The following CSMD1 variants were observed in gnomAD, a reference collection of about 807,000 sequenced individuals.
CSMD1 encodes the protein CUB and sushi domain-containing protein 1.
Under a neutral mutation model 417.5 loss-of-function variants are expected in CSMD1, and 213 were observed. The observed-to-expected ratio is 0.51, with a 90% confidence interval of 0.46 to 0.57. CSMD1 has a LOEUF of 0.57. Ranked by LOEUF, CSMD1 falls within the 20% of genes least tolerant of loss-of-function variation. The pLI, the probability that CSMD1 is intolerant of heterozygous loss-of-function variation, is 0.00. For missense variants in CSMD1, 6,923 were observed against 4,529.7 expected, an observed-to-expected ratio of 1.53 and a Z score of -15.17; for synonymous variants, 2,862 against 1,736.8, an observed-to-expected ratio of 1.65 and a Z score of -16.11.
rs545212684 is a variant in CSMD1 at position 3,520,039 on chromosome 8, T to TATGTATATAC, written c.1345-26314_1345-26313insGTATATACAT. 7.5e-5 allele frequency among the ~76,000 whole-genome samples: 11 copies of TATGTATATAC among 147,184 alleles called. No homozygotes were observed. In the East Asian group the frequency reaches 1.6e-3, roughly 21 times the overall value. The stretch of plus-strand genomic sequence containing the variant: ...ATATACCTATATATATATATATATA[T>TATGTATATAC]ACACGTATAGTTGTGAAACTTGCTC... On this transcript the variant is annotated intron_variant, in intron 10 of 69. Coordinates refer to ENST00000635120, the MANE Select transcript of CSMD1 (RefSeq NM_033225.6).
chr8:3,684,383 G>A (rs1234562104), intron 7 of CSMD1, among the ~76,000 whole-genome samples: 1 of 146,554 alleles, frequency 6.8e-6, no homozygotes, highest in South Asian at 2.1e-4. Context: ...TATATAAAAT[G>A]TATAACATAT....
At chr8:4,741,275 T>G (rs1810590660) in intron 1 of CSMD1, among the ~76,000 whole-genome samples, 1 of 152,282 alleles carries the variant, frequency 6.6e-6, no homozygotes, top group Non-Finnish European at 1.5e-5. Context: ...TTGTGAAAAT[T>G]TATTATATCA....
chr8:3,362,558 G>C (rs1251162803), intron 20 of CSMD1, among the ~76,000 whole-genome samples: 1 of 152,114 alleles, frequency 6.6e-6, no homozygotes, highest in Non-Finnish European at 1.5e-5. Flanking sequence ...CCCATGTGTT[G>C]AAATTAATTC....
intron 3 of CSMD1, among the ~76,000 whole-genome samples, chr8:4,410,518 G>T (rs760257718): frequency 3.3e-5 from 5 of 152,164 alleles, no homozygotes; most frequent in Non-Finnish European, 5.9e-5. Flanking sequence ...AAGAGAGACA[G>T]AAAGAGACTA....
chr8:4,110,548 T>G (rs187766824), intron 3 of CSMD1, among the ~76,000 whole-genome samples: 65 of 152,300 alleles, frequency 4.3e-4, no homozygotes, highest in African/African-American at 1.4e-3. Context: ...GTATTTAATT[T>G]TTAAACAATT....
At chr8:3,978,467 G>C (rs1813611251) in intron 5 of CSMD1, among the ~76,000 whole-genome samples, 1 of 151,980 alleles carries the variant, frequency 6.6e-6, no homozygotes, top group Non-Finnish European at 1.5e-5. Flanking sequence ...ATTATTGTAA[G>C]AAATCCATGA....
chr8:3,468,554 G>C (rs111228639), intron 12 of CSMD1, among the ~76,000 whole-genome samples, 158 bp downstream of exon 12: 1 of 152,112 alleles, frequency 6.6e-6, no homozygotes, highest in Admixed American at 6.5e-5. Context: ...ATTCACGAAA[G>C]CGAGTGTTAG....
chr8:3,155,280 G>A (rs1006933791), intron 39 of CSMD1, among the ~76,000 whole-genome samples: 6 of 144,342 alleles, frequency 4.2e-5, no homozygotes, highest in African/African-American at 1.5e-4. Flanking sequence ...GCAGATTGAT[G>A]TTCTGTATGA....
chr8:3,661,032 T>C (rs1798392477), intron 7 of CSMD1, among the ~76,000 whole-genome samples: 1 of 152,198 alleles, frequency 6.6e-6, no homozygotes, highest in Admixed American at 6.5e-5. Flanking sequence ...ATGCGGATGC[T>C]TCCTGCCACC....
chr8:4,189,594 G>C (rs1197490589), intron 3 of CSMD1, among the ~76,000 whole-genome samples: 1 of 152,130 alleles, frequency 6.6e-6, no homozygotes. Flanking sequence ...TATGTTAGTT[G>C]ATTAGTTTTT....
chr8:4,708,550 G>A (rs1389837497), intron 1 of CSMD1, among the ~76,000 whole-genome samples: 1 of 152,184 alleles, frequency 6.6e-6, no homozygotes, highest in Non-Finnish European at 1.5e-5. Flanking sequence ...AAAGGAAGGT[G>A]ATTGCCAGGT....
At chr8:3,799,264 T>C (rs1173761252) in intron 5 of CSMD1, among the ~76,000 whole-genome samples, 1 of 151,818 alleles carries the variant, frequency 6.6e-6, no homozygotes, top group Admixed American at 6.6e-5. Context: ...TTTTTTTTTA[T>C]ACTTTAAGTT....
Position 3,308,146 on chromosome 8 carries a change from G to GAAAACACACACTCACAGACACGTGCAA in CSMD1, c.3823+139_3823+165dup, listed in dbSNP as rs1377514794. Among the ~76,000 whole-genome samples, 74 of 151,998 alleles carry GAAAACACACACTCACAGACACGTGCAA rather than the reference G, an allele frequency of 4.9e-4. 2 individuals carry two copies. The highest frequency in any genetic ancestry group is 2.9e-4 in the Non-Finnish European group (20 of 68,022). ...ACTAGAAAAACTGTCTTTCATAGCTGAAAACACACACTCACAGACACGTGC... is the reference window on the plus strand; with the variant it reads ...ACTAGAAAAACTGTCTTTCATAGCTGAAAACACACACTCACAGACACGTGCAAAAAACACACACTCACAGACACGTGC... On this transcript the variant is annotated intron_variant, in intron 24 of 69. Transcript: ENST00000635120.
chr8:4,104,760 G>A (rs748677526), intron 3 of CSMD1, among the ~76,000 whole-genome samples: 1 of 152,124 alleles, frequency 6.6e-6, no homozygotes, highest in Non-Finnish European at 1.5e-5. Flanking sequence ...GCACAATCCG[G>A]CTTTCCGTTT....
At chr8:4,810,021 G>C (rs777988598) in intron 1 of CSMD1, among the ~76,000 whole-genome samples, 1 of 152,224 alleles carries the variant, frequency 6.6e-6, no homozygotes, top group Non-Finnish European at 1.5e-5. Context: ...CAAGTGCTTA[G>C]AATGAGGGTT....
intron 7 of CSMD1, among the ~76,000 whole-genome samples, chr8:3,627,829 G>C (rs1437239156): frequency 6.6e-6 from 1 of 152,166 alleles, no homozygotes; most frequent in African/African-American, 2.4e-5. Flanking sequence ...ATATTAAGGT[G>C]TCTGATTTCA....
At chr8:3,489,103 G>A (rs145970363) in intron 11 of CSMD1, among the ~76,000 whole-genome samples, 4 of 152,144 alleles carry the variant, frequency 2.6e-5, no homozygotes, top group African/African-American at 7.2e-5. Context: ...CTTTTTAATG[G>A]CTCTTCAGCA....
chr8:3,004,728 A>C (rs866612620), intron 52 of CSMD1, among the ~76,000 whole-genome samples: 2 of 152,148 alleles, frequency 1.3e-5, no homozygotes, highest in African/African-American at 4.8e-5. Flanking sequence ...GACTGTGGAC[A>C]GGGTAATTCA....
chr8:3,845,954 A>C (rs777067878), intron 5 of CSMD1, among the ~76,000 whole-genome samples: 1 of 152,062 alleles, frequency 6.6e-6, no homozygotes, highest in Non-Finnish European at 1.5e-5. Flanking sequence ...GTCCCACTGC[A>C]GGCTCCTCAG....
Sources: allele counts gnomAD v4.1 joint callset (sites outside exome capture counted in the v4.1 genomes callset), GRCh38; gene constraint gnomAD v4.1.1; transcripts MANE v1.5; gene names NCBI Gene and HGNC (gene_info 2026-07-23, HGNC 2026-07-21).